SPOCK3: variants seen among roughly 807,000 people sequenced by gnomAD.
The protein encoded by SPOCK3 is testican-3.
Under a neutral mutation model 56.6 loss-of-function variants are expected in SPOCK3, and 30 were observed. The ratio of observed to expected loss-of-function variants is 0.53; its 90% CI spans 0.40 to 0.72. The LOEUF (loss-of-function observed/expected upper bound fraction) is 0.72, where lower values mean the gene tolerates loss of function less well. SPOCK3 is among the 30% of genes least tolerant of loss of function. The probability of loss-of-function intolerance (pLI) is 0.00; values close to 1 mark genes in which losing one functional copy is unlikely to be tolerated. For synonymous variants in SPOCK3, 196 were observed against 183.3 expected, an observed-to-expected ratio of 1.07 and a Z score of -0.56; for missense variants, 527 against 530.0, an observed-to-expected ratio of 0.99 and a Z score of 0.06.
intron 5 of SPOCK3, among the ~76,000 whole-genome samples, chr4:166,896,617 T>C (rs1735413090): frequency 6.6e-6 from 1 of 152,130 alleles, no homozygotes; most frequent in South Asian, 2.1e-4. Flanking sequence ...TTTATGTGGA[T>C]GAGTGGGGGT....
chr4:166,958,181 T>C (rs1464070129), intron 4 of SPOCK3, among the ~76,000 whole-genome samples: 1 of 152,068 alleles, frequency 6.6e-6, no homozygotes, highest in Non-Finnish European at 1.5e-5. Context: ...CAATAGTGAG[T>C]GTGCTCTCTT....
rs370993072 is a variant in SPOCK3, at chr4:167,220,273, G to A, written c.189+13712C>T. 3.1e-4 allele frequency among the ~76,000 whole-genome samples: 47 copies of A among 152,106 alleles called. No individual in the cohort carries two copies. In the South Asian group the frequency reaches 9.1e-3, roughly 30 times the overall value. ...ATTCTCTTCAGCCAAGAAAAGGAGG[G>A]GGTGGTGGCACAACTGTAGAAATTA... On this transcript the variant is annotated intron_variant, in intron 2 of 10. Transcript: ENST00000357545.
At chr4:166,983,238 C>T (rs957219194) in intron 4 of SPOCK3, among the ~76,000 whole-genome samples, 2 of 152,030 alleles carry the variant, frequency 1.3e-5, no homozygotes, top group Non-Finnish European at 2.9e-5. Flanking sequence ...TTGTTTCTGA[C>T]ACACAGCATA....
At chr4:167,082,299 C>T (rs941754204) in intron 2 of SPOCK3, among the ~76,000 whole-genome samples, 4 of 152,018 alleles carry the variant, frequency 2.6e-5, no homozygotes, top group African/African-American at 9.7e-5. Context: ...CCTCAAACCC[C>T]TTGTGTGATC....
chr4:166,798,111 A>G (rs922240346), intron 6 of SPOCK3, among the ~76,000 whole-genome samples: 1 of 152,192 alleles, frequency 6.6e-6, no homozygotes, highest in Non-Finnish European at 1.5e-5. Context: ...ATATATAATT[A>G]TGTACAGTAT....
chr4:166,818,305 A>G (rs1042641665), intron 6 of SPOCK3, among the ~76,000 whole-genome samples: 5 of 151,898 alleles, frequency 3.3e-5, no homozygotes, highest in Non-Finnish European at 7.4e-5. Context: ...ATCCTTTTAA[A>G]TCTCTCAATA....
chr4:167,073,292 T>A (rs77706826), intron 2 of SPOCK3, among the ~76,000 whole-genome samples: 1 of 151,898 alleles, frequency 6.6e-6, no homozygotes, highest in Non-Finnish European at 1.5e-5. Context: ...GTTAAATGCA[T>A]GTCCGTCTGA....
At chr4:167,133,108 T>C (rs555580090) in intron 2 of SPOCK3, among the ~76,000 whole-genome samples, 1 of 152,206 alleles carries the variant, frequency 6.6e-6, no homozygotes, top group Non-Finnish European at 1.5e-5. Flanking sequence ...AGGAATATGT[T>C]ATATTACAAT....
At chr4:166,799,061 T>C (rs1476612445) in intron 6 of SPOCK3, among the ~76,000 whole-genome samples, 1 of 152,170 alleles carries the variant, frequency 6.6e-6, no homozygotes, top group African/African-American at 2.4e-5. Flanking sequence ...GGGGGCAATG[T>C]TGCAGGCTAC....
intron 2 of SPOCK3, among the ~76,000 whole-genome samples, chr4:167,191,958 T>C (rs1357937747): frequency 1.4e-5 from 2 of 145,512 alleles, no homozygotes; most frequent in Admixed American, 7.1e-5. Context: ...ATTCCTTCTT[T>C]ACCTAATTTT....
chr4:167,176,351 T>C (rs1238307034), intron 2 of SPOCK3, among the ~76,000 whole-genome samples: 1 of 152,146 alleles, frequency 6.6e-6, no homozygotes, highest in Non-Finnish European at 1.5e-5. Flanking sequence ...TATTGAGTGA[T>C]TAGCACACGG....
intron 4 of SPOCK3, among the ~76,000 whole-genome samples, chr4:166,917,145 A>T (rs1030179337): frequency 6.6e-6 from 1 of 152,158 alleles, no homozygotes; most frequent in Non-Finnish European, 1.5e-5. Flanking sequence ...GCTATCTACA[A>T]ATAAAATAAT....
At chr4:166,896,821 TA>T (rs1435457400) in intron 5 of SPOCK3, among the ~76,000 whole-genome samples, 1 of 152,200 alleles carries the variant, frequency 6.6e-6, no homozygotes, top group Admixed American at 6.5e-5. Flanking sequence ...CTCTGTAGTA[TA>T]AAAATTCTAG....
intron 4 of SPOCK3, among the ~76,000 whole-genome samples, chr4:166,963,416 G>A (rs867296987): frequency 6.6e-6 from 1 of 151,890 alleles, no homozygotes; most frequent in African/African-American, 2.4e-5. Context: ...TTATAAGAAG[G>A]TAACATTATT....
intron 6 of SPOCK3, among the ~76,000 whole-genome samples, chr4:166,823,112 TTTC>T (rs1451013473): frequency 2.0e-5 from 3 of 152,004 alleles, no homozygotes; most frequent in Non-Finnish European, 4.4e-5. Flanking sequence ...TCCGAAAAGG[TTTC>T]TTATTTTGTA....
intron 3 of SPOCK3, among the ~76,000 whole-genome samples, chr4:167,027,487 A>G (rs1356552234): frequency 6.6e-6 from 1 of 151,790 alleles, no homozygotes; most frequent in African/African-American, 2.4e-5. Context: ...GACTTCTATT[A>G]TAAAATTTCT....
intron 6 of SPOCK3, among the ~76,000 whole-genome samples, chr4:166,882,119 A>G (rs1387153926): frequency 2.0e-5 from 3 of 152,182 alleles, no homozygotes; most frequent in Non-Finnish European, 4.4e-5. Flanking sequence ...ATAAGCTTGA[A>G]TGGCATGTGG....
chr4:166,981,206 G>A (rs1303111978), intron 4 of SPOCK3, among the ~76,000 whole-genome samples: 2 of 151,412 alleles, frequency 1.3e-5, no homozygotes, highest in Non-Finnish European at 2.9e-5. Context: ...GAGTGTCCAG[G>A]TCTCGTTAGA....
intron 6 of SPOCK3, among the ~76,000 whole-genome samples, chr4:166,824,682 G>C (rs1745279462): frequency 1.3e-5 from 2 of 152,046 alleles, no homozygotes. Context: ...TTTGTTACAT[G>C]TTAGCTTGAG....
Sources: gnomAD v4.1 joint callset for allele counts (sites outside exome capture counted in the v4.1 genomes callset) on GRCh38, gnomAD v4.1.1 for gene constraint, MANE v1.5 for transcripts, NCBI Gene and HGNC (gene_info 2026-07-23, HGNC 2026-07-21) for gene names.